The following SHANK2 variants were observed in gnomAD, a reference collection of about 807,000 sequenced individuals.
SHANK2 encodes the protein SH3 and multiple ankyrin repeat domains 2, also known as SH3 and multiple ankyrin repeat domains protein 2.
SHANK2 carries 43 observed loss-of-function variants against 133.7 expected under a neutral mutation model. The observed-to-expected ratio is 0.32, with a 90% CI of 0.25 to 0.41. SHANK2 has a LOEUF of 0.41. Among genes scored for constraint, SHANK2 ranks in the 10% least tolerant of loss-of-function variants. The probability of loss-of-function intolerance (pLI) is 1.00; values close to 1 mark genes in which losing one functional copy is unlikely to be tolerated. For missense variants in SHANK2, 1,994 were observed against 2,235.8 expected (o/e 0.89, Z 2.18); for synonymous variants, 1,017 against 952.8 (o/e 1.07, Z -1.24).
chr11:70,891,135 G>A (rs953929012), intron 11 of SHANK2, among the ~76,000 whole-genome samples: 9 of 152,174 alleles, frequency 5.9e-5, no homozygotes, highest in East Asian at 1.9e-4. Flanking sequence ...CTTCCTCAGC[G>A]TATGCGGGCT....
intron 15 of SHANK2, chr11:70,668,573 G>A (rs528871026): frequency 3.9e-5 from 6 of 152,532 alleles, no homozygotes; most frequent in African/African-American, 1.4e-4. Context: ...CTAGTCTGTG[G>A]TGATCGTTAG....
At chr11:70,778,893 G>A (rs1328261131) in intron 14 of SHANK2, among the ~76,000 whole-genome samples, 1 of 152,048 alleles carries the variant, frequency 6.6e-6, no homozygotes, top group Non-Finnish European at 1.5e-5. Flanking sequence ...CTTCTCTCCT[G>A]AACCCTCTGC....
At chr11:70,593,921 A>G (rs10793170) in intron 17 of SHANK2, among the ~76,000 whole-genome samples, 79,147 of 151,536 alleles carry the variant, frequency 0.52, 21,073 homozygotes, top group African/African-American at 0.64. Flanking sequence ...TGACTGATGC[A>G]CATGTGGGAC....
In SHANK2 at chr11:70,788,072, C is replaced by T. The variant is rs368729228; in HGVS notation, c.1777+10371G>A. 8.5e-5 allele frequency among the ~76,000 whole-genome samples: 13 copies of T among 152,266 alleles called. No homozygotes were observed. The East Asian group carries it at 1.3e-3, about 16-fold the overall frequency. On this transcript the variant is annotated intron_variant, in intron 14 of 25. Coordinates refer to ENST00000601538, the MANE Select transcript of SHANK2 (RefSeq NM_012309.5). ...TAACGTTACATGGCCTGCAGGATGG[C>T]GGAACATGACTTACTCCAGTGCATA...
intron 17 of SHANK2, among the ~76,000 whole-genome samples, chr11:70,647,741 A>G (rs1054901746): frequency 6.6e-6 from 1 of 152,192 alleles, no homozygotes; most frequent in African/African-American, 2.4e-5. Flanking sequence ...CTGTCTTAAC[A>G]AAAGGGGACA....
At chr11:70,788,045 G>A (rs938717346) in intron 14 of SHANK2, among the ~76,000 whole-genome samples, 4 of 152,214 alleles carry the variant, frequency 2.6e-5, no homozygotes, top group African/African-American at 9.6e-5. Context: ...AGGCTGGAAC[G>A]ATAACGTTAC....
At chr11:71,082,337 A>G (rs1409595411) in intron 8 of SHANK2, among the ~76,000 whole-genome samples, 2 of 152,248 alleles carry the variant, frequency 1.3e-5, no homozygotes, top group Admixed American at 6.5e-5. Flanking sequence ...TGCCTAGGCA[A>G]TGGTCATCTT....
intron 3 of SHANK2, among the ~76,000 whole-genome samples, chr11:71,120,688 A>AC (rs1555101318): frequency 1.3e-5 from 2 of 151,872 alleles, no homozygotes; most frequent in African/African-American, 4.8e-5. Context: ...AGATTTCCAG[A>AC]CCCGCACCCT....
Position 71,163,093 on chromosome 11 carries a change from A to AAAACATATATATATATATAT in SHANK2, c.-12-15756_-12-15755insATATATATATATATATGTTT. Among the ~76,000 whole-genome samples the AAAACATATATATATATATAT allele has an allele frequency of 1.4e-3, 119 of 84,680 alleles. 6 individuals carry two copies. The highest frequency in any genetic ancestry group is 5.2e-3 in the African/African-American group (114 of 21,764). The allele number at this position is 84,680 out of a possible 152,430, so 55.6% of individuals were successfully genotyped here. A position where few individuals can be genotyped will look rare whatever the true frequency, so the allele number is the denominator to read the frequency against. On this transcript the variant is annotated intron_variant, in intron 2 of 25. Coordinates refer to ENST00000601538, the MANE Select transcript of SHANK2 (RefSeq NM_012309.5). The stretch of plus-strand genomic sequence containing the variant: ...GTCTAAAAAAAAAAAAAAAAAAAAA[A>AAAACATATATATATATATAT]ATACATATATATATATATACAGAAT...
intron 17 of SHANK2, among the ~76,000 whole-genome samples, chr11:70,573,249 GT>G (rs1337502930): frequency 3.8e-5 from 5 of 130,596 alleles, no homozygotes; most frequent in Admixed American, 7.7e-5. Flanking sequence ...GGGCTGTGAT[GT>G]GAGCTGGGTG....
Position 71,140,169 on chromosome 11 carries a change from G to T in SHANK2, c.207+6951C>A, listed in dbSNP as rs187890047. On this transcript the variant is annotated intron_variant, in intron 3 of 25. Coordinates refer to ENST00000601538, the MANE Select transcript of SHANK2 (RefSeq NM_012309.5). ...TGTTGCTGAGAGCTCACACCCGGGG[G>T]ATTTCTGGTTTCAGCCTCCAGGGGC... 7.3e-4 allele frequency among the ~76,000 whole-genome samples: 111 copies of T among 152,360 alleles called. 1 individual carries two copies. The highest frequency in any genetic ancestry group is 2.1e-4 in the South Asian group (1 of 4,828).
At chr11:71,211,950 C>T (rs1008540559) in intron 2 of SHANK2, among the ~76,000 whole-genome samples, 3 of 152,166 alleles carry the variant, frequency 2.0e-5, no homozygotes, top group Admixed American at 6.5e-5. Context: ...TCTGGCTTAA[C>T]GTCCACCTCA....
chr11:70,856,339 C>T (rs897165437), intron 11 of SHANK2, among the ~76,000 whole-genome samples: 8 of 148,800 alleles, frequency 5.4e-5, no homozygotes, highest in African/African-American at 1.0e-4. Flanking sequence ...GTTAGGTGGG[C>T]GCATAGATGA....
intron 11 of SHANK2, among the ~76,000 whole-genome samples, chr11:70,834,208 C>T (rs892030356): frequency 2.0e-5 from 3 of 152,272 alleles, no homozygotes; most frequent in Middle Eastern, 3.4e-3. Context: ...AGCCTATTTC[C>T]ACCTTAACAC....
intron 14 of SHANK2, among the ~76,000 whole-genome samples, chr11:70,748,058 C>T (rs1191367784): frequency 6.6e-6 from 1 of 152,130 alleles, no homozygotes; most frequent in African/African-American, 2.4e-5. Flanking sequence ...ACTCTGTACA[C>T]CTCCTAGTCA....
chr11:70,785,866 G>A (rs1947642717), intron 14 of SHANK2, among the ~76,000 whole-genome samples: 1 of 152,198 alleles, frequency 6.6e-6, no homozygotes, highest in African/African-American at 2.4e-5. Flanking sequence ...GAGTGGACAT[G>A]GGGATGCTCT....
chr11:71,171,600 A>T (rs1036177658), intron 2 of SHANK2, among the ~76,000 whole-genome samples: 1 of 152,104 alleles, frequency 6.6e-6, no homozygotes, highest in East Asian at 1.9e-4. Flanking sequence ...CCTTCTCTTC[A>T]TTGTTCTCTC....
chr11:70,696,718 C>T (rs868942827), intron 15 of SHANK2, among the ~76,000 whole-genome samples: 11 of 152,326 alleles, frequency 7.2e-5, no homozygotes, highest in South Asian at 2.1e-4. Context: ...CAGCACACCT[C>T]ATTTACAAGA....
intron 10 of SHANK2, among the ~76,000 whole-genome samples, chr11:70,950,529 C>T (rs1295617727): frequency 2.0e-5 from 3 of 152,216 alleles, no homozygotes; most frequent in Admixed American, 6.5e-5. Flanking sequence ...AATCCCATCA[C>T]GGGGGCTCTA....
Sources: allele counts gnomAD v4.1 joint callset (sites outside exome capture counted in the v4.1 genomes callset), GRCh38; gene constraint gnomAD v4.1.1; transcripts MANE v1.5; gene names NCBI Gene and HGNC (gene_info 2026-07-23, HGNC 2026-07-21).